Variants in LINGO1 observed in about 807,000 individuals in gnomAD.
LINGO1 encodes the protein leucine rich repeat and Ig domain containing 1.
In LINGO1, 11 loss-of-function variants were observed where a neutral mutation model predicts 37.3. The ratio of observed to expected loss-of-function variants is 0.29; its 90% CI spans 0.19 to 0.49. LINGO1 has a LOEUF of 0.49. Ranked by LOEUF, LINGO1 falls within the 20% of genes least tolerant of loss-of-function variation. LINGO1 has a pLI of 0.99. For synonymous variants in LINGO1, 387 were observed against 403.0 expected (o/e 0.96, Z 0.48); for missense variants, 585 against 878.2 (o/e 0.67, Z 4.22).
intron 2 of LINGO1, among the ~76,000 whole-genome samples, chr15:77,729,725 G>A (rs1032941684): frequency 6.6e-6 from 1 of 152,194 alleles, no homozygotes; most frequent in Admixed American, 6.5e-5. Flanking sequence ...AGGACTATAT[G>A]CTGTTTTGCT....
Position 77,627,044 on chromosome 15 carries a change from AG to A in LINGO1, c.6+5265del, listed in dbSNP as rs1567466031. Among the ~76,000 whole-genome samples the A allele has an allele frequency of 2.7e-5, 4 of 148,124 alleles. No individual in the cohort carries two copies. In the South Asian group the frequency reaches 8.8e-4, roughly 32 times the overall value. Reference sequence around the variant, plus strand: ...CCCACCCCCTCCCAGAGGCGAGAGCAGGTTCTCTGCAGAGGGAAGTAGAGGA... The same window carrying A: ...CCCACCCCCTCCCAGAGGCGAGAGCAGTTCTCTGCAGAGGGAAGTAGAGGA... On this transcript the variant is annotated intron_variant, in intron 1 of 1. Coordinates refer to ENST00000355300, the MANE Select transcript of LINGO1 (RefSeq NM_032808.7).
chr15:77,796,364 C>G (rs376225334), intron 1 of LINGO1, among the ~76,000 whole-genome samples: 2 of 152,358 alleles, frequency 1.3e-5, no homozygotes, highest in East Asian at 3.9e-4. Context: ...CTCTGGGAAG[C>G]GCAGAGTTTG....
At chr15:77,706,684 A>G (rs2075856624) in intron 2 of LINGO1, among the ~76,000 whole-genome samples, 1 of 152,204 alleles carries the variant, frequency 6.6e-6, no homozygotes, top group East Asian at 1.9e-4. Flanking sequence ...AAGCCCTCCC[A>G]GACTGCCCAG....
At chr15:77,657,889 C>CT (rs1257510944) in intron 3 of LINGO1, among the ~76,000 whole-genome samples, 1 of 152,228 alleles carries the variant, frequency 6.6e-6, no homozygotes, top group African/African-American at 2.4e-5. Flanking sequence ...GCCTCCTTTA[C>CT]TGTTCTGATG....
upstream of LINGO1, among the ~76,000 whole-genome samples, chr15:77,699,736 A>AGT: frequency 0.02 from 3 of 152 alleles, no homozygotes; most frequent in Non-Finnish European, 0.027. Flanking sequence ...GCACATACTA[A>AGT]CCATCACCTG....
In LINGO1 at chr15:77,718,660, C is replaced by T. The variant is rs55803038; in HGVS notation, c.-195+16332G>A. Among the ~76,000 whole-genome samples the T allele has an allele frequency of 3.6e-3, 536 of 150,922 alleles. 12 individuals are homozygous for T. Among genetic ancestry groups the T allele is most frequent in the African/African-American group, 0.011 (467 of 41,490 alleles). ...TGGGAAAGAGGCAGGGGTCTAGGGA[C>T]CCATTAGCATCACTTTCTCTGGCAG... On this transcript the variant is annotated intron_variant, in intron 2 of 3. Transcript: ENST00000561686.
rs1405011449 is a variant in LINGO1, at chr15:77,614,634, G to T, written c.1273C>A (p.Arg425Ser). ...TGCTGGGCCTTGCGGTCCCGGATGC[G>T]GGCGCGGCGGCAGGTGAAGTAGTTG... ...LPNYFTCRRA[R>S]IRDRKAQQVF... Residue 425 changes from arginine to serine, a missense_variant, in exon 2 of 2, where the codon CGC becomes AGC. Arg to Ser is a moderately radical substitution (Grantham distance 110). Coordinates refer to ENST00000355300, the MANE Select transcript of LINGO1 (RefSeq NM_032808.7). The T allele has an allele frequency of 4.3e-6, 7 of 1,611,300 alleles. No individual in the cohort carries two copies. Among genetic ancestry groups the T allele is most frequent in the African/African-American group, 1.3e-5 (1 of 74,906 alleles).
intron 2 of LINGO1, among the ~76,000 whole-genome samples, chr15:77,689,507 G>A (rs1284509177): frequency 2.0e-5 from 3 of 152,192 alleles, no homozygotes; most frequent in African/African-American, 7.2e-5. Flanking sequence ...TCCACAAATG[G>A]GGGCCACCTC....
chr15:77,818,118 C>G (rs1027729396), intron 1 of LINGO1, among the ~76,000 whole-genome samples: 3 of 152,134 alleles, frequency 2.0e-5, no homozygotes, highest in Non-Finnish European at 4.4e-5. Flanking sequence ...CAGTTACAAC[C>G]CCAGGGAAGT....
In LINGO1 at chr15:77,817,345, C is replaced by T. The variant is rs544497305; in HGVS notation, c.-458+2913G>A. Among the ~76,000 whole-genome samples the T allele has an allele frequency of 3.3e-5, 5 of 152,284 alleles. No homozygotes were observed. The South Asian group carries it at 8.3e-4, about 25-fold the overall frequency. ...CCCCCAGTGCACATTTAGATCTCCA[C>T]GGGGCATCTTTGGCCCACAGAGGGG... On this transcript the variant is annotated intron_variant, in intron 1 of 5. Coordinates refer to the LINGO1 transcript ENST00000562933.
chr15:77,619,702 TAAATAAAATA>T (rs138166574), intron 1 of LINGO1, among the ~76,000 whole-genome samples: 8,913 of 147,056 alleles, frequency 0.061, 366 homozygotes, highest in East Asian at 0.15. Context: ...AAACAATAAA[TAAATAAAATA>T]AAATAAAATA....
At chr15:77,696,848 A>G (rs939343159), upstream of LINGO1, among the ~76,000 whole-genome samples, 1 of 152,206 alleles carries the variant, frequency 6.6e-6, no homozygotes, top group South Asian at 2.1e-4. Flanking sequence ...CCCAATTTGC[A>G]GGCTTAGAGT....
rs548331658 is a variant in LINGO1 at position 77,689,249 on chromosome 15, A to ACCAGCCCCCAGGCTGGCTG, written c.-99+1452_-99+1470dup. ...GAAGGGGCCAAGGTCCCATCCCATC[A>ACCAGCCCCCAGGCTGGCTG]CCAGCCCCCAGGCTGGCTGCCAGCC... On this transcript the variant is annotated intron_variant, in intron 2 of 3. Coordinates refer to the LINGO1 transcript ENST00000559893. Among the ~76,000 whole-genome samples, 1,467 of 152,186 alleles carry ACCAGCCCCCAGGCTGGCTG rather than the reference A, an allele frequency of 9.6e-3. 12 individuals carry two copies. The highest frequency in any genetic ancestry group is 0.032 in the African/African-American group (1,340 of 41,474).
chr15:77,818,580 C>T (rs2077067633), intron 1 of LINGO1, among the ~76,000 whole-genome samples: 3 of 152,140 alleles, frequency 2.0e-5, no homozygotes, highest in South Asian at 4.1e-4. Context: ...CGGCAAGTTC[C>T]CTTCTTCCAG....
intron 1 of LINGO1, among the ~76,000 whole-genome samples, chr15:77,819,117 G>A (rs2077073807): frequency 6.8e-6 from 1 of 147,134 alleles, no homozygotes; most frequent in African/African-American, 2.5e-5. Context: ...CCACGGACGC[G>A]CACCCAGCAC....
intron 1 of LINGO1, among the ~76,000 whole-genome samples, chr15:77,758,686 T>C (rs1456464828): frequency 6.6e-6 from 1 of 152,164 alleles, no homozygotes; most frequent in East Asian, 1.9e-4. Context: ...GCAAGCTGCT[T>C]ACCCTCTCTG....
chr15:77,770,824 C>T (rs2076578032), intron 1 of LINGO1, among the ~76,000 whole-genome samples: 1 of 152,226 alleles, frequency 6.6e-6, no homozygotes, highest in Non-Finnish European at 1.5e-5. Context: ...CCTGGCCTGG[C>T]AGGCTGCCAT....
chr15:77,761,767 G>A (rs542163896), intron 1 of LINGO1, among the ~76,000 whole-genome samples: 3 of 152,334 alleles, frequency 2.0e-5, no homozygotes, highest in African/African-American at 7.2e-5. Flanking sequence ...GGTGTCTGTA[G>A]CCTCTCTGCA....
intron 2 of LINGO1, among the ~76,000 whole-genome samples, chr15:77,680,329 C>T (rs1192140749): frequency 1.3e-5 from 2 of 152,194 alleles, no homozygotes; most frequent in Non-Finnish European, 2.9e-5. Flanking sequence ...ACTGAGAGTT[C>T]AGAGAGTACC....
Sources: gnomAD v4.1 joint callset for allele counts (sites outside exome capture counted in the v4.1 genomes callset) on GRCh38, gnomAD v4.1.1 for gene constraint, MANE v1.5 for transcripts, NCBI Gene and HGNC (gene_info 2026-07-23, HGNC 2026-07-21) for gene names.